DSCAM: variants seen among roughly 807,000 people sequenced by gnomAD.
DSCAM encodes cell adhesion molecule DSCAM.
Under a neutral mutation model 217.7 loss-of-function variants are expected in DSCAM, and 47 were observed. The observed-to-expected ratio is 0.22, with a 90% CI of 0.17 to 0.28. The LOEUF (loss-of-function observed/expected upper bound fraction) is 0.28. Ranked by LOEUF, DSCAM falls within the 10% of genes least tolerant of loss-of-function variation. DSCAM has a pLI of 1.00. For synonymous variants in DSCAM, 1,056 were observed against 1,015.3 expected, an observed-to-expected ratio of 1.04 and a Z score of -0.76; for missense variants, 2,080 against 2,618.3, an observed-to-expected ratio of 0.79 and a Z score of 4.49.
rs1197381686 is a variant in DSCAM at position 40,673,290 on chromosome 21, C to G, written c.508+19520G>C. Among the ~76,000 whole-genome samples, 7 of 7,384 alleles carry G rather than the reference C, an allele frequency of 9.5e-4. No individual in the cohort carries two copies. In the Admixed American group the frequency reaches 0.014, roughly 15 times the overall value. 4.8% of individuals were successfully genotyped at this position (7,384 alleles called of 152,430 possible). On this transcript the variant is annotated intron_variant, in intron 3 of 32. Transcript: ENST00000400454. ...ACGGTAGTAAAGATAAAAATGATGC[C>G]CCCCCCAAAATACAAAAAATGGAAT...
intron 3 of DSCAM, among the ~76,000 whole-genome samples, chr21:40,610,220 T>A (rs2146276928): frequency 6.6e-6 from 1 of 152,268 alleles, no homozygotes; most frequent in Middle Eastern, 3.4e-3. Context: ...AATGCCCACA[T>A]TTCTGGGAGG....
At chr21:40,496,785 G>T (rs1197788889) in intron 3 of DSCAM, among the ~76,000 whole-genome samples, 1 of 152,036 alleles carries the variant, frequency 6.6e-6, no homozygotes, top group Non-Finnish European at 1.5e-5. Context: ...AATGCAAACA[G>T]CTCAATAGCA....
chr21:40,345,070 AT>A (rs568083551), intron 6 of DSCAM, among the ~76,000 whole-genome samples: 1 of 151,482 alleles, frequency 6.6e-6, no homozygotes, highest in Non-Finnish European at 1.5e-5. Context: ...AAATATGGTG[AT>A]TTTTTTTCAT....
intron 29 of DSCAM, among the ~76,000 whole-genome samples, chr21:40,054,563 CA>C (rs1408106513): frequency 6.6e-6 from 1 of 152,202 alleles, no homozygotes; most frequent in Non-Finnish European, 1.5e-5. Flanking sequence ...TTATCCAGAC[CA>C]CAAGAAAGGG....
chr21:40,092,377 T>C (rs908650126), intron 21 of DSCAM, among the ~76,000 whole-genome samples: 2 of 152,208 alleles, frequency 1.3e-5, no homozygotes, highest in Non-Finnish European at 2.9e-5. Flanking sequence ...GGAACATTTA[T>C]TTCAGCAGTC....
At chr21:40,494,339 A>C (rs1353262360) in intron 3 of DSCAM, among the ~76,000 whole-genome samples, 1 of 152,180 alleles carries the variant, frequency 6.6e-6, no homozygotes, top group African/African-American at 2.4e-5. Flanking sequence ...ACATGCATAG[A>C]CTGAAAGGCC....
intron 3 of DSCAM, among the ~76,000 whole-genome samples, chr21:40,591,779 T>C (rs980969935): frequency 3.9e-5 from 6 of 152,232 alleles, no homozygotes; most frequent in South Asian, 2.1e-4. Context: ...CAAGTATACG[T>C]TGGCAATACA....
intron 1 of DSCAM, among the ~76,000 whole-genome samples, chr21:40,781,448 C>T (rs1337732425): frequency 2.0e-5 from 3 of 152,214 alleles, no homozygotes; most frequent in Non-Finnish European, 4.4e-5. Context: ...ACTCTCTGAA[C>T]AATGCGGATT....
rs762416582 is a variant in DSCAM, at chr21:40,013,211, G to C, written c.5862C>G (p.Ala1954=). 1.9e-6 allele frequency: 3 copies of C among 1,613,720 alleles called. No homozygotes were observed. The Admixed American group carries it at 5.0e-5, about 27-fold the overall frequency. The part of the protein sequence containing the change: ...EPIPMEAASS[A]SSTREGQSWQ... ...ACGACTGTCCTTCTCTCGTGGAGGA[G>C]GCGGAGGAGGCGGCTTCCATCGGGA... Residue 1954 remains alanine (A), a synonymous_variant, in exon 33 of 33, where the codon GCC becomes GCG. Coordinates refer to ENST00000400454, the MANE Select transcript of DSCAM (RefSeq NM_001389.5).
intron 30 of DSCAM, among the ~76,000 whole-genome samples, chr21:40,050,682 C>T (rs2088916520): frequency 1.3e-5 from 2 of 152,090 alleles, no homozygotes; most frequent in South Asian, 4.1e-4. Context: ...GAGGTTTCAC[C>T]ATGTTAGCCA....
At chr21:40,149,716 TC>T (rs2090403029) in intron 16 of DSCAM, among the ~76,000 whole-genome samples, 1 of 144,832 alleles carries the variant, frequency 6.9e-6, no homozygotes, top group Non-Finnish European at 1.5e-5. Flanking sequence ...CATTACTTCT[TC>T]ACTATCCCAA....
chr21:40,799,587 TG>T (rs1411630770), intron 1 of DSCAM, among the ~76,000 whole-genome samples: 1 of 152,202 alleles, frequency 6.6e-6, no homozygotes, highest in East Asian at 1.9e-4. Flanking sequence ...TGAAGGAACA[TG>T]GGGAATATCT....
intron 1 of DSCAM, among the ~76,000 whole-genome samples, chr21:40,715,717 G>GA (rs2090834565): frequency 6.6e-6 from 1 of 152,132 alleles, no homozygotes; most frequent in Non-Finnish European, 1.5e-5. Context: ...AGCTTTCCAA[G>GA]AAACTGACAT....
At chr21:40,548,076 C>A (rs1312675575) in intron 3 of DSCAM, among the ~76,000 whole-genome samples, 1 of 152,198 alleles carries the variant, frequency 6.6e-6, no homozygotes, top group Non-Finnish European at 1.5e-5. Flanking sequence ...GTTGGTTAAT[C>A]ACTCCCCATT....
intron 3 of DSCAM, among the ~76,000 whole-genome samples, chr21:40,624,419 G>A (rs954755202): frequency 3.3e-5 from 5 of 152,072 alleles, no homozygotes; most frequent in Non-Finnish European, 7.4e-5. Context: ...TGTAAGATCG[G>A]ATTGAAAAAA....
chr21:40,243,505 G>A (rs1003345808), intron 11 of DSCAM, among the ~76,000 whole-genome samples: 1 of 152,174 alleles, frequency 6.6e-6, no homozygotes, highest in Admixed American at 6.5e-5. Context: ...AAATGGAAAT[G>A]TGAAGCTTCT....
Position 40,489,496 on chromosome 21 carries a change from C to T in DSCAM, c.509-120251G>A, listed in dbSNP as rs572573193. 2.4e-4 allele frequency among the ~76,000 whole-genome samples: 37 copies of T among 152,192 alleles called. No individual in the cohort carries two copies. In the South Asian group the frequency reaches 2.7e-3, roughly 11 times the overall value. On this transcript the variant is annotated intron_variant, in intron 3 of 32. Coordinates refer to ENST00000400454, the MANE Select transcript of DSCAM (RefSeq NM_001389.5). ...ATATCTTCTATATATAAATAAGGGC[C>T]GGGCGCGGTGGCTCACGCCTGTAAT...
chr21:40,647,243 A>G (rs2089958969), intron 3 of DSCAM, among the ~76,000 whole-genome samples: 1 of 152,234 alleles, frequency 6.6e-6, no homozygotes. Context: ...CTGAAATTAT[A>G]ACAGCAACAA....
At chr21:40,082,106 A>G (rs2089470728) in intron 24 of DSCAM, among the ~76,000 whole-genome samples, 1 of 152,166 alleles carries the variant, frequency 6.6e-6, no homozygotes, top group Admixed American at 6.5e-5. Context: ...GACTTCTGGC[A>G]ATGCTTATGT....
Sources: allele counts gnomAD v4.1 joint callset (sites outside exome capture counted in the v4.1 genomes callset), GRCh38; gene constraint gnomAD v4.1.1; transcripts MANE v1.5; gene names NCBI Gene and HGNC (gene_info 2026-07-23, HGNC 2026-07-21).